The following DEFB110 variants were observed in gnomAD, a reference collection of about 807,000 sequenced individuals.
DEFB110 encodes the protein defensin beta 110.
DEFB110 carries 4 observed loss-of-function variants against 2.5 expected under a neutral mutation model. The ratio of observed to expected loss-of-function variants is 1.60; its 90% CI spans 0.79 to 3.66. The LOEUF (loss-of-function observed/expected upper bound fraction) is 3.66. DEFB110 is among the 30% of genes most tolerant of loss of function. The pLI, the probability that DEFB110 is intolerant of heterozygous loss-of-function variation, is 0.01. For synonymous variants in DEFB110, 29 were observed against 21.8 expected (o/e 1.33, Z -0.92); for missense variants, 94 against 75.4 (o/e 1.25, Z -0.91).
Position 50,013,157 on chromosome 6 carries a change from A to G in DEFB110, c.56-3886T>C, listed in dbSNP as rs1054400371. On this transcript the variant is annotated intron_variant, in intron 1 of 1. Transcript: ENST00000393660. ...TCATACATAAAGATAGTTGAATTCA[A>G]CTCTTCCTAAGGTTTCAGAGGGAGT... 4.6e-5 allele frequency among the ~76,000 whole-genome samples: 7 copies of G among 151,838 alleles called. No individual in the cohort carries two copies. In the South Asian group the frequency reaches 1.5e-3, roughly 32 times the overall value.
Position 50,021,936 on chromosome 6 carries a change from G to T in DEFB110, c.-1C>A. 1 of 1,545,924 alleles carries T rather than the reference G, an allele frequency of 6.5e-7. No homozygotes were observed. The highest frequency in any genetic ancestry group is 8.7e-7 in the Non-Finnish European group (1 of 1,155,496). On this transcript the variant is annotated 5_prime_UTR_variant, in exon 1 of 2. Coordinates refer to ENST00000371148, the MANE Select transcript of DEFB110 (RefSeq NM_001037497.2). ...TAAAGAAAAAAAGTTGAATCTTCATGGTAGAGAGTTTCTTAAAAAAAGGGG... is the reference window on the plus strand; with the variant it reads ...TAAAGAAAAAAAGTTGAATCTTCATTGTAGAGAGTTTCTTAAAAAAAGGGG...
intron 1 of DEFB110, 148 bp downstream of exon 1, chr6:50,021,733 C>T: frequency 5.6e-6 from 4 of 712,252 alleles, no homozygotes; most frequent in Non-Finnish European, 4.3e-6. Flanking sequence ...TCTTTATTAT[C>T]TGTTCTGGAG....
chr6:50,017,922 TTTAG>T (rs886277670), downstream of DEFB110, among the ~76,000 whole-genome samples: 1 of 151,940 alleles, frequency 6.6e-6, no homozygotes, highest in Non-Finnish European at 1.5e-5. Context: ...TTTATTTTTC[TTTAG>T]TTAATTTCCC....
chr6:50,015,022 G>T (rs545708561), downstream of DEFB110, among the ~76,000 whole-genome samples: 1 of 151,628 alleles, frequency 6.6e-6, no homozygotes, highest in East Asian at 1.9e-4. Flanking sequence ...TGGATCAATC[G>T]TCCAACCAAA....
intron 1 of DEFB110, among the ~76,000 whole-genome samples, chr6:50,011,846 GA>G (rs963286670): frequency 3.9e-5 from 6 of 152,152 alleles, no homozygotes; most frequent in Admixed American, 1.3e-4. Context: ...GATAGAAGTT[GA>G]AGTCAAGGCA....
chr6:50,021,899 A>G lies in DEFB110; in HGVS notation c.37T>C (p.Trp13Arg), dbSNP rs985777800. Reference protein sequence around the residue: ...IQLFFFILHFWVTILPAKKKY... With the variant: ...IQLFFFILHFRVTILPAKKKY... ...ATATTACCTGGTAAAATTGTGACCC[A>G]AAAGTGCAGAATAAAGAAAAAAAGT... The change falls in exon 1 of 2, where the codon TGG (tryptophan) becomes CGG (arginine). Residue 13 changes from tryptophan (W) to arginine (R), a missense_variant. Physicochemically the swap from Trp to Arg is moderately radical, Grantham distance 101. Transcript: ENST00000371148. 3.2e-6 allele frequency: 5 copies of G among 1,558,646 alleles called. No individual in the cohort carries two copies. Among genetic ancestry groups the G allele is most frequent in the Non-Finnish European group, 4.3e-6 (5 of 1,160,572 alleles).
intron 1 of DEFB110, among the ~76,000 whole-genome samples, chr6:50,013,444 A>G (rs983666024): frequency 6.6e-6 from 1 of 151,836 alleles, no homozygotes; most frequent in Non-Finnish European, 1.5e-5. Context: ...TAGAAAATCA[A>G]ACTGTGCACA....
At chr6:50,013,144 A>G (rs1178233416) in intron 1 of DEFB110, among the ~76,000 whole-genome samples, 1 of 151,856 alleles carries the variant, frequency 6.6e-6, no homozygotes, top group Non-Finnish European at 1.5e-5. Context: ...ATACATAAAG[A>G]TAGTTGAATT....
At chr6:50,009,259 A>G (rs551830120) in exon 2 of DEFB110, 3 of 1,596,390 alleles carry the variant, frequency 1.9e-6, no homozygotes, top group East Asian at 4.5e-5. Context: ...CTTTGGTTCA[A>G]AATTGCTTCT....
downstream of DEFB110, chr6:50,018,796 A>G: frequency 7.9e-7 from 1 of 1,272,262 alleles, no homozygotes; most frequent in Non-Finnish European, 9.9e-7. Flanking sequence ...TCAGGAGAAA[A>G]GTGTAATGGA....
At chr6:50,021,180 T>G (rs1280814361) in intron 1 of DEFB110, among the ~76,000 whole-genome samples, 3 of 152,134 alleles carry the variant, frequency 2.0e-5, no homozygotes, top group Admixed American at 6.5e-5. Flanking sequence ...AAGGGCATGG[T>G]GTCTCACTCT....
At chr6:50,009,147 G>A (rs779849256) in exon 2 of DEFB110, 2 of 1,609,630 alleles carry the variant, frequency 1.2e-6, no homozygotes, top group Admixed American at 1.7e-5. Flanking sequence ...TTTATACGCA[G>A]CACTGACTTC....
downstream of DEFB110, among the ~76,000 whole-genome samples, chr6:50,015,308 A>G (rs1257661789): frequency 6.6e-6 from 1 of 151,780 alleles, no homozygotes; most frequent in African/African-American, 2.4e-5. Context: ...GACCTTTACA[A>G]TATTCAAATT....
intron 1 of DEFB110, among the ~76,000 whole-genome samples, chr6:50,011,079 C>T (rs1774219835): frequency 6.6e-6 from 1 of 151,514 alleles, no homozygotes; most frequent in South Asian, 2.1e-4. Flanking sequence ...TTATGGCTCA[C>T]TATAGAATCA....
downstream of DEFB110, among the ~76,000 whole-genome samples, chr6:50,017,187 C>T (rs530196318): frequency 6.8e-4 from 103 of 151,774 alleles, 1 homozygote; most frequent in African/African-American, 2.3e-3. Context: ...TATTCATTAT[C>T]CAAAAGTTAG....
At chr6:50,009,271 G>C in exon 2 of DEFB110, 1 of 1,588,222 alleles carries the variant, frequency 6.3e-7, no homozygotes, top group Non-Finnish European at 8.5e-7. Context: ...ATTGCTTCTG[G>C]CTGCAATCAA....
intron 1 of DEFB110, 107 bp from the exon 2 acceptor site, chr6:50,019,232 C>T (rs572649687): frequency 8.4e-7 from 1 of 1,193,764 alleles, no homozygotes; most frequent in South Asian, 1.5e-5. Flanking sequence ...AAAATGTCCA[C>T]CTACCTATGG....
At chr6:50,020,221 T>C (rs1426483962) in intron 1 of DEFB110, among the ~76,000 whole-genome samples, 2 of 151,108 alleles carry the variant, frequency 1.3e-5, no homozygotes, top group Non-Finnish European at 3.0e-5. Flanking sequence ...AAAGATATGT[T>C]TTTTTTTTAG....
At chr6:50,015,391 A>T (rs1774299869), downstream of DEFB110, among the ~76,000 whole-genome samples, 1 of 151,708 alleles carries the variant, frequency 6.6e-6, no homozygotes, top group South Asian at 2.1e-4. Flanking sequence ...AGCTCCTAAA[A>T]ATCCCTGGGT....
Sources: allele counts gnomAD v4.1 joint callset (sites outside exome capture counted in the v4.1 genomes callset), GRCh38; gene constraint gnomAD v4.1.1; transcripts MANE v1.5; gene names NCBI Gene and HGNC (gene_info 2026-07-23, HGNC 2026-07-21).